Variants in TDRD1 observed in about 807,000 individuals in gnomAD.
The protein encoded by TDRD1 is tudor domain containing 1.
Under a neutral mutation model 140.6 loss-of-function variants are expected in TDRD1, and 37 were observed. That is an observed-to-expected ratio of 0.26 (90% CI 0.20 to 0.35). TDRD1 has a LOEUF of 0.35. TDRD1 is among the 10% of genes least tolerant of loss of function. The pLI, the probability that TDRD1 is intolerant of heterozygous loss-of-function variation, is 1.00. For missense variants in TDRD1, 1,243 were observed against 1,393.0 expected, an observed-to-expected ratio of 0.89 and a Z score of 1.71; for synonymous variants, 506 against 475.7, an observed-to-expected ratio of 1.06 and a Z score of -0.83.
intron 4 of TDRD1, among the ~76,000 whole-genome samples, chr10:114,200,814 C>T (rs1484885890): frequency 6.6e-6 from 1 of 150,860 alleles, no homozygotes; most frequent in Non-Finnish European, 1.5e-5. Flanking sequence ...AGGCGTGAGC[C>T]ACTGCATGTT....
At chr10:114,183,793 C>T (rs1305616511) in intron 1 of TDRD1, among the ~76,000 whole-genome samples, 1 of 151,492 alleles carries the variant, frequency 6.6e-6, no homozygotes, top group Non-Finnish European at 1.5e-5. Flanking sequence ...CTCTGCCTCC[C>T]AGATTCTAGG....
At chr10:114,221,037 TAC>T (rs2036113680) in intron 19 of TDRD1, among the ~76,000 whole-genome samples, 194 bp downstream of exon 19, 1 of 152,170 alleles carries the variant, frequency 6.6e-6, no homozygotes. Context: ...GATAAACATA[TAC>T]AGAGATATCT....
chr10:114,226,046 C>T lies in TDRD1; in HGVS notation c.3008-3C>T. On this transcript the variant is annotated splice_region_variant and splice_polypyrimidine_tract_variant and intron_variant, in intron 21 of 25. Transcript: ENST00000251864. Reference sequence around the variant, plus strand: ...CTTACCTGAGATTTCATTCTGTTTTCAGGTGATGATTTTTGGTATCGTGCA... The same window carrying T: ...CTTACCTGAGATTTCATTCTGTTTTTAGGTGATGATTTTTGGTATCGTGCA... 6.2e-7 allele frequency: 1 copy of T among 1,613,378 alleles called. No homozygotes were observed. Among genetic ancestry groups the T allele is most frequent in the South Asian group, 1.1e-5 (1 of 91,062 alleles).
chr10:114,178,475 G>T (rs1041425660), upstream of TDRD1, among the ~76,000 whole-genome samples: 2 of 152,144 alleles, frequency 1.3e-5, no homozygotes, highest in Admixed American at 1.3e-4. Context: ...AATCTTGTCC[G>T]TTAGGTACAG....
exon 19 of TDRD1, chr10:114,220,609 A>G: frequency 6.2e-7 from 1 of 1,613,492 alleles, no homozygotes; most frequent in Non-Finnish European, 8.5e-7. Flanking sequence ...AGAAGCCATA[A>G]CAAGATTCCA....
chr10:114,190,894 A>G (rs2033913092), intron 2 of TDRD1, 67 bp from the exon 3 acceptor site: 7 of 1,497,058 alleles, frequency 4.7e-6, no homozygotes, highest in South Asian at 3.4e-5. Flanking sequence ...TAATTACACT[A>G]TTTTTCATTA....
chr10:114,198,545 A>G (rs1352816914), intron 3 of TDRD1, among the ~76,000 whole-genome samples: 1 of 152,054 alleles, frequency 6.6e-6, no homozygotes, highest in Non-Finnish European at 1.5e-5. Flanking sequence ...GTGGGGCCAC[A>G]GTTTTGTCTG....
chr10:114,201,351 G>A, intron 4 of TDRD1, 59 bp from the exon 5 acceptor site: 3 of 1,360,694 alleles, frequency 2.2e-6, no homozygotes, highest in Non-Finnish European at 3.2e-6. Flanking sequence ...TTGCTAAAGT[G>A]TGGACTTTGA....
chr10:114,199,671 A>G (rs2034597821), intron 4 of TDRD1, among the ~76,000 whole-genome samples: 1 of 152,178 alleles, frequency 6.6e-6, no homozygotes, highest in African/African-American at 2.4e-5. Context: ...CTACTCATGA[A>G]ATAATTTTGC....
chr10:114,222,738 G>A lies in TDRD1; in HGVS notation c.3007+35G>A, dbSNP rs763969032. 5.8e-6 allele frequency: 7 copies of A among 1,214,916 alleles called. No individual in the cohort carries two copies. In the Admixed American group the frequency reaches 8.8e-5, roughly 15 times the overall value. The allele number at this position is 1,214,916 out of a possible 1,614,324, so 75.3% of individuals were successfully genotyped here. On this transcript the variant is annotated intron_variant, in intron 21 of 25. Transcript: ENST00000251864. ...TTTTAGGGAAAATATTTGAGGGAAG[G>A]TATTTAGTCTGTTTTGTTCTACATG...
At chr10:114,202,925 C>A in intron 6 of TDRD1, 147 bp from the exon 7 acceptor site, 2 of 653,956 alleles carry the variant, frequency 3.1e-6, no homozygotes, top group Non-Finnish European at 5.5e-6. Context: ...GTTTTAGTGA[C>A]TCTTGGAGGC....
intron 11 of TDRD1, among the ~76,000 whole-genome samples, chr10:114,206,966 T>G (rs2035162593): frequency 6.6e-6 from 1 of 152,230 alleles, no homozygotes; most frequent in African/African-American, 2.4e-5. Context: ...TCTTCCTTCT[T>G]GGGTATTCCA....
upstream of TDRD1, among the ~76,000 whole-genome samples, chr10:114,176,263 G>A (rs544337158): frequency 2.6e-5 from 4 of 151,610 alleles, no homozygotes; most frequent in Non-Finnish European, 5.9e-5. This position sits in a 1 kb window ranked among gnomAD's most constrained non-coding sequence, Gnocchi z 4.2. Flanking sequence ...TATTCCTGCC[G>A]GGGGATGCAA....
rs939856729 is a variant in TDRD1 at position 114,214,895 on chromosome 10, G to A, written c.2212+781G>A. ...TGGGACTATAGGCATGTGCCACCAC[G>A]CCCAGTTAATTTTTTTTTTGTATTT... On this transcript the variant is annotated intron_variant, in intron 16 of 25. Transcript: ENST00000251864. Among the ~76,000 whole-genome samples the A allele has an allele frequency of 1.3e-4, 19 of 151,916 alleles. 1 individual carries two copies. In the South Asian group the frequency reaches 1.9e-3, roughly 15 times the overall value.
chr10:114,189,277 T>C (rs1303086811), intron 2 of TDRD1, among the ~76,000 whole-genome samples: 1 of 152,220 alleles, frequency 6.6e-6, no homozygotes, highest in African/African-American at 2.4e-5. Flanking sequence ...GAATTACTCC[T>C]GACTTTTACC....
intron 3 of TDRD1, among the ~76,000 whole-genome samples, chr10:114,196,326 T>C (rs1300045168): frequency 6.6e-6 from 1 of 152,226 alleles, no homozygotes; most frequent in Non-Finnish European, 1.5e-5. Context: ...AGCCATTCTT[T>C]TAGGATAAAG....
At chr10:114,177,320 C>A (rs1245850871), upstream of TDRD1, among the ~76,000 whole-genome samples, 3 of 152,172 alleles carry the variant, frequency 2.0e-5, no homozygotes, top group Non-Finnish European at 4.4e-5. Context: ...AAAGACCCAA[C>A]AAACACTACC....
At chr10:114,176,942 A>G (rs1166480942), upstream of TDRD1, among the ~76,000 whole-genome samples, 2 of 152,224 alleles carry the variant, frequency 1.3e-5, no homozygotes, top group Admixed American at 6.5e-5. The surrounding 1 kb of genome is among the most constrained non-coding windows in gnomAD (Gnocchi z 4.2). Context: ...ATATCCCAGA[A>G]AGTAATAAAG....
intron 3 of TDRD1, 35 bp from the exon 4 acceptor site, chr10:114,199,138 C>T: frequency 6.3e-7 from 1 of 1,590,044 alleles, no homozygotes; most frequent in Non-Finnish European, 8.5e-7. Context: ...AAGTTATTGC[C>T]AAATTCTAAC....
Sources: gnomAD v4.1 joint callset for allele counts (sites outside exome capture counted in the v4.1 genomes callset) on GRCh38, gnomAD v4.1.1 for gene constraint, Gnocchi (gnomAD v3.1) non-coding constraint, MANE v1.5 for transcripts, NCBI Gene and HGNC (gene_info 2026-07-23, HGNC 2026-07-21) for gene names.